The following ADGRA1 variants were observed in gnomAD, a reference collection of about 807,000 sequenced individuals.
The protein encoded by ADGRA1 is G-protein coupled receptor 123.
Under a neutral mutation model 21.3 loss-of-function variants are expected in ADGRA1, and 12 were observed. That is an observed-to-expected ratio of 0.56 (90% CI 0.36 to 0.91). ADGRA1 has a LOEUF of 0.91. Ranked by LOEUF, ADGRA1 falls within the 40% of genes least tolerant of loss-of-function variation. The probability of loss-of-function intolerance (pLI) is 0.01; values close to 1 mark genes in which losing one functional copy is unlikely to be tolerated. For missense variants in ADGRA1, 790 were observed against 805.6 expected, an observed-to-expected ratio of 0.98 and a Z score of 0.23; for synonymous variants, 385 against 368.8, an observed-to-expected ratio of 1.04 and a Z score of -0.50.
At chr10:133,091,610 G>A (rs1273392768) in intron 2 of ADGRA1, among the ~76,000 whole-genome samples, 2 of 152,180 alleles carry the variant, frequency 1.3e-5, no homozygotes, top group African/African-American at 2.4e-5. Context: ...GGACTCAACC[G>A]AGCCCCTTCC....
chr10:133,103,748 G>A (rs180916938), intron 5 of ADGRA1, among the ~76,000 whole-genome samples: 15 of 152,322 alleles, frequency 9.8e-5, no homozygotes, highest in African/African-American at 1.4e-4. Flanking sequence ...GTCTGGCCGC[G>A]GCCGTGACCA....
chr10:133,109,675 T>C (rs1851952408), intron 5 of ADGRA1, among the ~76,000 whole-genome samples: 1 of 152,320 alleles, frequency 6.6e-6, no homozygotes, highest in South Asian at 2.1e-4. Flanking sequence ...CTCCCCTCGA[T>C]GACAATGACG....
At chr10:133,116,623 G>C (rs138646777) in intron 5 of ADGRA1, among the ~76,000 whole-genome samples, 1 of 151,874 alleles carries the variant, frequency 6.6e-6, no homozygotes, top group Non-Finnish European at 1.5e-5. Flanking sequence ...GGCCTCTCAC[G>C]ATGAAGAGAC....
At chr10:133,121,431 G>A (rs973407238) in intron 5 of ADGRA1, among the ~76,000 whole-genome samples, 1 of 149,334 alleles carries the variant, frequency 6.7e-6, no homozygotes, top group Admixed American at 6.7e-5. Context: ...TGGTGTGTCA[G>A]TGTGCGTGTG....
chr10:133,120,762 C>T (rs1175569497), intron 5 of ADGRA1, among the ~76,000 whole-genome samples: 2 of 152,222 alleles, frequency 1.3e-5, no homozygotes, highest in South Asian at 2.1e-4. Flanking sequence ...ATCATTCATG[C>T]GTTGCTGGAG....
chr10:133,088,774 C>T lies in ADGRA1; in HGVS notation c.-136C>T. The T allele has an allele frequency of 2.4e-6, 3 of 1,231,872 alleles. No homozygotes were observed. Among genetic ancestry groups the T allele is most frequent in the Non-Finnish European group, 3.0e-6 (3 of 987,758 alleles). The allele number at this position is 1,231,872 out of a possible 1,614,324, so 76.3% of individuals were successfully genotyped here. A position where few individuals can be genotyped will look rare whatever the true frequency, so the allele number is the denominator to read the frequency against. On this transcript the variant is annotated 5_prime_UTR_variant, in exon 2 of 7. An upstream open reading frame in the 5' UTR gains an earlier in-frame stop. Coordinates refer to ENST00000392607, the MANE Select transcript of ADGRA1 (RefSeq NM_001083909.3). ...CCCTGAGGCCAGGGGCCCGGGAGCG[C>T]GACCTCCTGGCCGCCGTCTGGGACT...
chr10:133,111,809 G>A (rs199948155), intron 5 of ADGRA1, among the ~76,000 whole-genome samples: 1,741 of 63,122 alleles, frequency 0.028, 9 homozygotes, highest in Middle Eastern at 0.066. Flanking sequence ...CCCACCACAG[G>A]CACCTCCCTC....
intron 4 of ADGRA1, among the ~76,000 whole-genome samples, chr10:133,101,690 G>T (rs941627668): frequency 6.6e-5 from 10 of 152,180 alleles, no homozygotes; most frequent in African/African-American, 9.7e-5. Context: ...GTGCCCCATG[G>T]TTTCCAGGCC....
At chr10:133,112,338 G>A (rs1312511543) in intron 5 of ADGRA1, among the ~76,000 whole-genome samples, 23 of 150,862 alleles carry the variant, frequency 1.5e-4, no homozygotes, top group African/African-American at 5.1e-4. Context: ...TCTGGGGTCT[G>A]CAGGCTGCGT....
intron 2 of ADGRA1, chr10:133,092,959 T>A (rs116705421): frequency 3.2e-6 from 5 of 1,582,666 alleles, no homozygotes; most frequent in Non-Finnish European, 4.3e-6. Context: ...CCTCAGCCAG[T>A]TGGAGCTGCA....
intron 5 of ADGRA1, among the ~76,000 whole-genome samples, chr10:133,120,532 G>A (rs895346030): frequency 1.3e-5 from 2 of 152,188 alleles, no homozygotes; most frequent in Admixed American, 1.3e-4. Flanking sequence ...GCACTTTTAC[G>A]TTATGAAGAC....
intron 5 of ADGRA1, among the ~76,000 whole-genome samples, chr10:133,111,751 A>C (rs79420083): frequency 0.19 from 494 of 2,562 alleles, 14 homozygotes; most frequent in Admixed American, 0.22. Flanking sequence ...CCCACCAGAC[A>C]ACCTGCCCGC....
chr10:133,088,656 G>GCCCTCCGCGGGGA, intron 1 of ADGRA1, 52 bp from the exon 2 acceptor site: 1 of 1,146,054 alleles, frequency 8.7e-7, no homozygotes, highest in Non-Finnish European at 1.1e-6. Flanking sequence ...GCTGCGAGCT[G>GCCCTCCGCGGGGA]CCCTCCGCGG....
At chr10:133,105,634 G>A (rs1851880034) in intron 5 of ADGRA1, among the ~76,000 whole-genome samples, 1 of 152,246 alleles carries the variant, frequency 6.6e-6, no homozygotes, top group Non-Finnish European at 1.5e-5. Context: ...CTTTCTGTGT[G>A]AGCAGGGGGG....
intron 2 of ADGRA1, chr10:133,089,115 G>A: frequency 1.3e-5 from 12 of 934,540 alleles, no homozygotes; most frequent in African/African-American, 1.7e-5. Context: ...TGCTCCCCGC[G>A]TGCTGGGTGC....
At chr10:133,088,537 C>T (rs1489357022) in intron 1 of ADGRA1, 171 bp from the exon 2 acceptor site, 1 of 277,960 alleles carries the variant, frequency 3.6e-6, no homozygotes, top group African/African-American at 2.2e-5. Flanking sequence ...TCCGAGCCCC[C>T]CACCGGTCCC....
In ADGRA1 at chr10:133,128,849, G is replaced by A. The variant is rs751258967; in HGVS notation, c.1021G>A (p.Ala341Thr). ...CGCCAACGGGGCCGCGCTGGGCCGC[G>A]CCGCCTGCCTGCACTCGCCGGGACT... ...LDANGAALGR[A>T]ACLHSPGLGQ... Residue 341 changes from alanine to threonine, a missense_variant, in exon 7 of 7, where the codon GCC (alanine) becomes ACC (threonine). By Grantham distance (58) the Ala-to-Thr change is moderately conservative. Around this residue, in one of 3 missense-constraint regions of ADGRA1, gnomAD observed 391 missense variants for 351.5 expected, o/e 1.11. Coordinates refer to ENST00000392607, the MANE Select transcript of ADGRA1 (RefSeq NM_001083909.3). The A allele has an allele frequency of 1.4e-4, 222 of 1,585,798 alleles. No homozygotes were observed. The highest frequency in any genetic ancestry group is 1.8e-4 in the Non-Finnish European group (205 of 1,169,792).
chr10:133,124,691 T>A (rs1277897597), intron 5 of ADGRA1, among the ~76,000 whole-genome samples: 1 of 152,228 alleles, frequency 6.6e-6, no homozygotes, highest in Non-Finnish European at 1.5e-5. Context: ...TGGTTGGGGC[T>A]TGGAGCCATA....
chr10:133,105,424 G>A (rs182245788), intron 5 of ADGRA1, among the ~76,000 whole-genome samples: 176 of 152,116 alleles, frequency 1.2e-3, no homozygotes, highest in Admixed American at 3.1e-3. Context: ...AAGCAGCTGC[G>A]TGAACTCAGG....
Sources: gnomAD v4.1 joint callset for allele counts (sites outside exome capture counted in the v4.1 genomes callset) on GRCh38, gnomAD v4.1.1 for gene constraint, gnomAD v4.1.1 regional missense constraint, MANE v1.5 for transcripts, NCBI Gene and HGNC (gene_info 2026-07-23, HGNC 2026-07-21) for gene names.